The following EIF3A variants were observed in gnomAD, a reference collection of about 807,000 sequenced individuals.
EIF3A encodes the protein eukaryotic translation initiation factor 3 subunit A.
Under a neutral mutation model 186.6 loss-of-function variants are expected in EIF3A, and 21 were observed. That is an observed-to-expected ratio of 0.11 (90% CI 0.08 to 0.16). EIF3A has a LOEUF of 0.16. Ranked by LOEUF, EIF3A falls within the 10% of genes least tolerant of loss-of-function variation. EIF3A has a pLI of 1.00. For synonymous variants in EIF3A, 563 were observed against 584.3 expected, an observed-to-expected ratio of 0.96 and a Z score of 0.52; for missense variants, 1,306 against 1,796.3, an observed-to-expected ratio of 0.73 and a Z score of 4.93.
chr10:119,070,548 T>G (rs1380087520), intron 5 of EIF3A, among the ~76,000 whole-genome samples: 1 of 122,706 alleles, frequency 8.1e-6, no homozygotes, highest in African/African-American at 2.6e-5. Context: ...CATATGCTTT[T>G]CTACTCTATA....
intron 5 of EIF3A, among the ~76,000 whole-genome samples, chr10:119,069,981 G>C (rs1473508218): frequency 6.6e-6 from 1 of 152,180 alleles, no homozygotes; most frequent in Non-Finnish European, 1.5e-5. Flanking sequence ...TGAGTGATAA[G>C]ATAATGGATG....
At chr10:119,036,464 A>G (rs1848131572) in intron 21 of EIF3A, among the ~76,000 whole-genome samples, 196 bp from the exon 22 acceptor site, 1 of 152,166 alleles carries the variant, frequency 6.6e-6, no homozygotes, top group Admixed American at 6.5e-5. Context: ...TTAACATACA[A>G]ATGTACAGAT....
rs1843884298 is a variant in EIF3A at position 119,061,277 on chromosome 10, T to C, written c.1174A>G (p.Asn392Asp). The C allele has an allele frequency of 6.3e-7, 1 of 1,597,476 alleles. No individual in the cohort carries two copies. Among genetic ancestry groups the C allele is most frequent in the African/African-American group, 1.4e-5 (1 of 73,886 alleles). ...GGGTTAAATTCTACTTCAAGCCAAT[T>C]GTAAAGGTCTTTCACTTCTGGGACA... is the stretch of plus-strand genomic sequence containing the variant. ...YVVPEVKDLY[N>D]WLEVEFNPLK... Residue 392 changes from asparagine (N) to aspartate (D), a missense_variant, in exon 8 of 22, where the codon AAT becomes GAT. Asn to Asp is a conservative substitution (Grantham distance 23, BLOSUM62 1). This residue lies in a region of EIF3A where 267 missense variants were observed against 367.8 expected (regional missense o/e 0.73). Coordinates refer to ENST00000369144, the MANE Select transcript of EIF3A (RefSeq NM_003750.4).
intron 14 of EIF3A, among the ~76,000 whole-genome samples, chr10:119,052,074 C>T (rs188230249): frequency 5.4e-4 from 82 of 152,246 alleles, no homozygotes; most frequent in Non-Finnish European, 5.9e-5. Context: ...CTGATTGCAA[C>T]CTCTTACAAA....
Position 119,077,556 on chromosome 10 carries a change from ATT to A in EIF3A, c.49+3070_49+3071del, listed in dbSNP as rs34768236. Among the ~76,000 whole-genome samples the A allele has an allele frequency of 1.1e-3, 154 of 142,350 alleles. 1 individual carries two copies. Among genetic ancestry groups the A allele is most frequent in the African/African-American group, 3.3e-3 (127 of 38,532 alleles). 93.4% of individuals were successfully genotyped at this position (142,350 alleles called of 152,430 possible). A position where few individuals can be genotyped will look rare whatever the true frequency, so the allele number is the denominator to read the frequency against. Reference sequence around the variant, plus strand: ...ATATACAAGAATTTAGTTCCTCCGAATTTTTTTTTTTTTTTGGAGAAGGAGTC... The same window carrying A: ...ATATACAAGAATTTAGTTCCTCCGAATTTTTTTTTTTTTGGAGAAGGAGTC... On this transcript the variant is annotated intron_variant, in intron 1 of 21. Coordinates refer to ENST00000369144, the MANE Select transcript of EIF3A (RefSeq NM_003750.4).
intron 1 of EIF3A, among the ~76,000 whole-genome samples, chr10:119,078,827 A>C (rs2133426789): frequency 6.6e-6 from 1 of 152,328 alleles, no homozygotes; most frequent in African/African-American, 2.4e-5. Context: ...CACATTACAT[A>C]TCTTTTCTAT....
At chr10:119,075,651 C>CATATATAT (rs5788328) in intron 1 of EIF3A, among the ~76,000 whole-genome samples, 107 of 97,090 alleles carry the variant, frequency 1.1e-3, no homozygotes, top group East Asian at 1.4e-3. Flanking sequence ...TATATATATA[C>CATATATAT]ATATATATAT....
At chr10:119,068,441 G>A (rs981966932) in intron 6 of EIF3A, among the ~76,000 whole-genome samples, 14 of 152,094 alleles carry the variant, frequency 9.2e-5, no homozygotes, top group Admixed American at 5.2e-4. Context: ...TTGGGAGGCC[G>A]AACCAGGAGG....
chr10:119,066,739 C>T lies in EIF3A; in HGVS notation c.951-1169G>A, dbSNP rs200094870. ...CCTGGAGCTGAAGGGCTAGCATCTC[C>T]CCTTCGCCATTTCCAAGACTGTGAC... On this transcript the variant is annotated intron_variant, in intron 6 of 21. Transcript: ENST00000369144. 2.0e-4 allele frequency among the ~76,000 whole-genome samples: 31 copies of T among 152,128 alleles called. No homozygotes were observed. In the East Asian group the frequency reaches 4.8e-3, roughly 24 times the overall value.
At chr10:119,050,706 G>A (rs369770375) in intron 15 of EIF3A, 32 bp from the exon 16 acceptor site, 17 of 1,612,046 alleles carry the variant, frequency 1.1e-5, no homozygotes, top group Non-Finnish European at 1.4e-5. Context: ...ACCCAAAAAG[G>A]GCACACTTTG....
At chr10:119,066,403 G>A (rs1351947347) in intron 6 of EIF3A, among the ~76,000 whole-genome samples, 2 of 146,772 alleles carry the variant, frequency 1.4e-5, no homozygotes, top group African/African-American at 5.0e-5. Context: ...CAGCTACTCA[G>A]GAAGCTGAGG....
intron 5 of EIF3A, among the ~76,000 whole-genome samples, chr10:119,070,134 GGC>G (rs1844048872): frequency 6.6e-6 from 1 of 151,996 alleles, no homozygotes; most frequent in Non-Finnish European, 1.5e-5. Context: ...ACTTTCACTT[GGC>G]TCAAAGACTC....
chr10:119,061,024 T>C, intron 8 of EIF3A, 180 bp from the exon 9 acceptor site: 2 of 578,996 alleles, frequency 3.5e-6, no homozygotes, highest in Non-Finnish European at 3.0e-6. Flanking sequence ...AAATTAGTCA[T>C]GCTGCTAATT....
intron 9 of EIF3A, 74 bp downstream of exon 9, chr10:119,060,672 C>G (rs1420340016): frequency 1.7e-6 from 2 of 1,146,216 alleles, no homozygotes; most frequent in Non-Finnish European, 2.5e-6. Flanking sequence ...CTAGGCAGTT[C>G]TAGATTTTTC....
chr10:119,037,081 C>G (rs767231330), intron 21 of EIF3A, 38 bp downstream of exon 21: 2 of 529,816 alleles, frequency 3.8e-6, no homozygotes, highest in Non-Finnish European at 2.9e-6. Context: ...CCAGAAACGA[C>G]AGTTCTCCAA....
chr10:119,036,974 T>A, intron 21 of EIF3A, 145 bp downstream of exon 21: 1 of 673,876 alleles, frequency 1.5e-6, no homozygotes, highest in African/African-American at 1.8e-5. Flanking sequence ...TGAGTAACTG[T>A]ATGAAAATCA....
intron 14 of EIF3A, among the ~76,000 whole-genome samples, chr10:119,052,176 T>C (rs1191617979): frequency 6.6e-6 from 1 of 152,204 alleles, no homozygotes; most frequent in Non-Finnish European, 1.5e-5. Flanking sequence ...TGCTGCTGCT[T>C]TATCAACTAC....
rs574995777 is a variant in EIF3A at position 119,059,622 on chromosome 10, C to T, written c.1423G>A (p.Ala475Thr). ...CCTACCTGCAAGTCGCAATGCCTGG[C>T]TGCATCTACTATGGCCCGTTCCAGT... ...FQLERAIVDA[A>T]RHCDLQVRID... The change falls in exon 10 of 22, where the codon GCC becomes ACC. Residue 475 changes from alanine to threonine, a missense_variant. This residue lies in a region of EIF3A where 267 missense variants were observed against 367.8 expected (regional missense o/e 0.73). Coordinates refer to ENST00000369144, the MANE Select transcript of EIF3A (RefSeq NM_003750.4). 1 of 1,614,102 alleles carries T rather than the reference C, an allele frequency of 6.2e-7. No homozygotes were observed. The highest frequency in any genetic ancestry group is 8.5e-7 in the Non-Finnish European group (1 of 1,179,934).
At chr10:119,075,623 G>A (rs1300033792) in intron 1 of EIF3A, among the ~76,000 whole-genome samples, 2 of 119,224 alleles carry the variant, frequency 1.7e-5, no homozygotes, top group African/African-American at 5.8e-5. Context: ...AAAAAAAAAG[G>A]GGGGGAGCTT....
Sources: gnomAD v4.1 joint callset for allele counts (sites outside exome capture counted in the v4.1 genomes callset) on GRCh38, gnomAD v4.1.1 for gene constraint, gnomAD v4.1.1 regional missense constraint, MANE v1.5 for transcripts, NCBI Gene and HGNC (gene_info 2026-07-23, HGNC 2026-07-21) for gene names.